Variants in SLC4A8 observed in about 807,000 individuals in gnomAD.
SLC4A8 encodes solute carrier family 4 member 8.
A neutral mutation model predicts 125.0 loss-of-function variants in SLC4A8; 40 were observed. The ratio of observed to expected loss-of-function variants is 0.32; its 90% confidence interval spans 0.25 to 0.42. SLC4A8 has a LOEUF of 0.42. Ranked by LOEUF, SLC4A8 falls within the 10% of genes least tolerant of loss-of-function variation. The pLI is 1.00. For synonymous variants in SLC4A8, 456 were observed against 476.0 expected (o/e 0.96, Z 0.55); for missense variants, 863 against 1,355.1 (o/e 0.64, Z 5.70).
intron 4 of SLC4A8, 137 bp from the exon 5 acceptor site, chr12:51,453,402 C>G (rs1382680918): frequency 2.1e-5 from 17 of 821,990 alleles, no homozygotes; most frequent in Non-Finnish European, 3.0e-5. Context: ...ATCAATGTAC[C>G]CTGAACATAC....
In SLC4A8 at chr12:51,511,736, T is replaced by C. The variant is rs1938372930; in HGVS notation, c.*4298T>C. On this transcript the variant is annotated 3_prime_UTR_variant, in exon 25 of 25. Transcript: ENST00000453097. ...TTATCGTCACAAGTGTTGTCATCTG[T>C]GACTCATGGGCCACTTGATGAACCT... The C allele has an allele frequency of 1.3e-5, 2 of 152,202 alleles. No individual in the cohort carries two copies. Among genetic ancestry groups the C allele is most frequent in the Admixed American group, 1.3e-4 (2 of 15,280 alleles). The allele number at this position is 152,202 out of a possible 1,614,324, so 9.4% of individuals were successfully genotyped here.
chr12:51,494,206 T>G (rs145267100), intron 20 of SLC4A8: 4 of 159,122 alleles, frequency 2.5e-5, no homozygotes, highest in Non-Finnish European at 5.5e-5. Flanking sequence ...GCAGAAGAGA[T>G]AGGGGAATAG....
At chr12:51,425,967 C>G (rs1948960333) in intron 1 of SLC4A8, among the ~76,000 whole-genome samples, 1 of 152,138 alleles carries the variant, frequency 6.6e-6, no homozygotes, top group Admixed American at 6.5e-5. Context: ...TTCTCACTCC[C>G]CGTTTCCTGT....
At chr12:51,400,890 A>T (rs766607558) in intron 1 of SLC4A8, among the ~76,000 whole-genome samples, 14 of 146,600 alleles carry the variant, frequency 9.5e-5, no homozygotes, top group African/African-American at 2.0e-4. Flanking sequence ...ATATATATAT[A>T]TTTTTAAACA....
intron 19 of SLC4A8, among the ~76,000 whole-genome samples, chr12:51,490,512 G>T (rs556319058): frequency 7.6e-5 from 11 of 144,538 alleles, no homozygotes; most frequent in Non-Finnish European, 1.3e-4. Context: ...GCAGTGAGCC[G>T]AGATCATGCC....
At chr12:51,400,828 G>A (rs1223967429) in intron 1 of SLC4A8, among the ~76,000 whole-genome samples, 23 of 81,148 alleles carry the variant, frequency 2.8e-4, no homozygotes, top group South Asian at 2.7e-3. Flanking sequence ...GTTTATATAC[G>A]TATATAAACA....
intron 2 of SLC4A8, among the ~76,000 whole-genome samples, chr12:51,442,640 C>T (rs1009476955): frequency 2.6e-5 from 4 of 152,090 alleles, no homozygotes; most frequent in Non-Finnish European, 4.4e-5. Context: ...GTCCTTTGTA[C>T]GTAGACTTTT....
At chr12:51,432,073 T>C (rs1024570171) in intron 1 of SLC4A8, among the ~76,000 whole-genome samples, 1 of 152,150 alleles carries the variant, frequency 6.6e-6, no homozygotes, top group African/African-American at 2.4e-5. Context: ...TAAAACACAA[T>C]GTGAGGTATA....
In SLC4A8 at chr12:51,458,555, A is replaced by G; in HGVS notation, c.764-4A>G. 2 of 1,609,672 alleles carry G rather than the reference A, an allele frequency of 1.2e-6. No homozygotes were observed. Among genetic ancestry groups the G allele is most frequent in the Non-Finnish European group, 1.7e-6 (2 of 1,176,022 alleles). On this transcript the variant is annotated splice_region_variant and splice_polypyrimidine_tract_variant and intron_variant, in intron 6 of 24. Coordinates refer to ENST00000453097, the MANE Select transcript of SLC4A8 (RefSeq NM_001039960.3). ...CAGGATTTTGTTTTATTTTCTCCAA[A>G]TAGGTCAAACCGTGTCTCCTCAGTC...
intron 1 of SLC4A8, among the ~76,000 whole-genome samples, chr12:51,399,338 CA>C (rs780344262): frequency 7.9e-5 from 12 of 152,202 alleles, no homozygotes; most frequent in Non-Finnish European, 1.5e-4. Context: ...CTCCTTCTCC[CA>C]TCTGCAGTCA....
intron 17 of SLC4A8, among the ~76,000 whole-genome samples, chr12:51,488,039 C>G (rs1249984349): frequency 6.6e-6 from 1 of 152,224 alleles, no homozygotes; most frequent in Non-Finnish European, 1.5e-5. Flanking sequence ...CTTGTTTTCT[C>G]TCTACACAGA....
At chr12:51,396,166 T>A (rs1346508328) in intron 1 of SLC4A8, among the ~76,000 whole-genome samples, 2 of 152,256 alleles carry the variant, frequency 1.3e-5, no homozygotes, top group Non-Finnish European at 2.9e-5. Context: ...CAATAAGCAG[T>A]CAGTTGAAAT....
intron 1 of SLC4A8, among the ~76,000 whole-genome samples, chr12:51,405,904 CAG>C (rs1029619766): frequency 1.3e-5 from 2 of 152,128 alleles, no homozygotes; most frequent in African/African-American, 2.4e-5. Context: ...TTCAGAAAAA[CAG>C]AGCCATGTCA....
At chr12:51,408,248 G>T (rs1484042392) in intron 1 of SLC4A8, among the ~76,000 whole-genome samples, 1 of 152,134 alleles carries the variant, frequency 6.6e-6, no homozygotes, top group Non-Finnish European at 1.5e-5. Flanking sequence ...GTTTGTTTTT[G>T]AGGCAGAGTC....
chr12:51,489,965 C>A lies in SLC4A8; in HGVS notation c.2700+14C>A. 1 of 1,612,100 alleles carries A rather than the reference C, an allele frequency of 6.2e-7. No individual in the cohort carries two copies. Among genetic ancestry groups the A allele is most frequent in the South Asian group, 1.1e-5 (1 of 91,006 alleles). ...GCTATCTTAAAGGTAATCATCCTTTCAGTCATTCAGCAAATATCAAGGGCC... is the reference window on the plus strand; with the variant it reads ...GCTATCTTAAAGGTAATCATCCTTTAAGTCATTCAGCAAATATCAAGGGCC... On this transcript the variant is annotated intron_variant, in intron 19 of 24. Transcript: ENST00000453097.
chr12:51,407,086 G>C (rs943121200), intron 1 of SLC4A8, among the ~76,000 whole-genome samples: 1 of 152,186 alleles, frequency 6.6e-6, no homozygotes, highest in African/African-American at 2.4e-5. Context: ...TTTGGTGTCT[G>C]GTGAGGGCTG....
At chr12:51,466,806 A>T (rs10876183) in intron 11 of SLC4A8, among the ~76,000 whole-genome samples, 73,598 of 152,006 alleles carry the variant, frequency 0.48, 18,132 homozygotes, top group Non-Finnish European at 0.53. Flanking sequence ...ACTGCTAGAC[A>T]GACAGATGTC....
At chr12:51,409,941 C>T (rs561264588) in intron 1 of SLC4A8, among the ~76,000 whole-genome samples, 88 of 152,284 alleles carry the variant, frequency 5.8e-4, no homozygotes, top group South Asian at 1.0e-3. Context: ...GTGGAAATGT[C>T]GGGTGCGGGT....
At chr12:51,397,408 T>C (rs2137916573) in intron 1 of SLC4A8, among the ~76,000 whole-genome samples, 1 of 152,322 alleles carries the variant, frequency 6.6e-6, no homozygotes, top group South Asian at 2.1e-4. Flanking sequence ...CAAGCTCCAA[T>C]TTGGCTTAGC....
Sources: gnomAD v4.1 joint callset for allele counts (sites outside exome capture counted in the v4.1 genomes callset) on GRCh38, gnomAD v4.1.1 for gene constraint, MANE v1.5 for transcripts, NCBI Gene and HGNC (gene_info 2026-07-23, HGNC 2026-07-21) for gene names.